Variants in DTNB observed in about 807,000 individuals in gnomAD.
DTNB encodes DTN-B.
In DTNB, 63 loss-of-function variants were observed where a neutral mutation model predicts 90.7. The observed-to-expected ratio is 0.69, with a 90% CI of 0.57 to 0.86. The LOEUF is 0.86. Among genes scored for constraint, DTNB ranks in the 40% least tolerant of loss-of-function variants. DTNB has a pLI of 0.00. For missense variants in DTNB, 744 were observed against 807.1 expected, an observed-to-expected ratio of 0.92 and a Z score of 0.95; for synonymous variants, 277 against 286.7, an observed-to-expected ratio of 0.97 and a Z score of 0.34.
At chr2:25,528,098 T>G (rs528872206) in intron 9 of DTNB, among the ~76,000 whole-genome samples, 1 of 152,288 alleles carries the variant, frequency 6.6e-6, no homozygotes, top group African/African-American at 2.4e-5. Context: ...AAAAAACAAT[T>G]AATGTAATTC....
At chr2:25,382,854 A>G (rs988774554) in intron 19 of DTNB, among the ~76,000 whole-genome samples, 1 of 152,106 alleles carries the variant, frequency 6.6e-6, no homozygotes, top group Non-Finnish European at 1.5e-5. Flanking sequence ...TAACAGCTAC[A>G]TGAACAACAT....
chr2:25,596,420 C>T, intron 5 of DTNB, 180 bp from the exon 6 acceptor site: 1 of 530,076 alleles, frequency 1.9e-6, no homozygotes, highest in Non-Finnish European at 3.0e-6. Flanking sequence ...GGCTACCCTG[C>T]AGATGAGGCC....
At chr2:25,596,623 T>C (rs2064706481) in intron 5 of DTNB, among the ~76,000 whole-genome samples, 1 of 152,242 alleles carries the variant, frequency 6.6e-6, no homozygotes, top group African/African-American at 2.4e-5. Context: ...ATAAGACATA[T>C]GCATGATTGA....
chr2:25,479,766 T>C (rs1455209400), intron 10 of DTNB, among the ~76,000 whole-genome samples: 1 of 152,236 alleles, frequency 6.6e-6, no homozygotes, highest in Non-Finnish European at 1.5e-5. Context: ...ATTAAAAAGG[T>C]AGGAACTAGA....
intron 16 of DTNB, among the ~76,000 whole-genome samples, chr2:25,408,367 C>T (rs2045763550): frequency 6.6e-6 from 1 of 151,174 alleles, no homozygotes; most frequent in South Asian, 2.1e-4. Context: ...CCATCTCTAC[C>T]TCCCCCAAAA....
At chr2:25,572,467 CAAAA>C (rs373866980) in intron 8 of DTNB, among the ~76,000 whole-genome samples, 1 of 102,246 alleles carries the variant, frequency 9.8e-6, no homozygotes, top group Non-Finnish European at 2.1e-5. Flanking sequence ...ACTCCATCGC[CAAAA>C]AAAAAAAAAA....
chr2:25,484,637 A>C (rs925899196), intron 9 of DTNB, among the ~76,000 whole-genome samples: 8 of 152,186 alleles, frequency 5.3e-5, no homozygotes, highest in African/African-American at 1.9e-4. Flanking sequence ...CCGAGATGGA[A>C]AGTAATTTGC....
chr2:25,574,296 G>A (rs1047760580), intron 8 of DTNB, among the ~76,000 whole-genome samples: 1 of 152,126 alleles, frequency 6.6e-6, no homozygotes, highest in African/African-American at 2.4e-5. Flanking sequence ...CACACAGTAG[G>A]TGTTTAAAAA....
At chr2:25,389,696 T>C (rs2040527471) in intron 16 of DTNB, among the ~76,000 whole-genome samples, 1 of 152,118 alleles carries the variant, frequency 6.6e-6, no homozygotes, top group Non-Finnish European at 1.5e-5. Flanking sequence ...TTCTTCTAGC[T>C]TTCTCAGCTA....
chr2:25,514,667 T>C (rs2074666270), intron 9 of DTNB, among the ~76,000 whole-genome samples: 1 of 149,406 alleles, frequency 6.7e-6, no homozygotes, highest in Non-Finnish European at 1.5e-5. Context: ...AAAAGAAACA[T>C]CTTTGAAAAA....
intron 16 of DTNB, among the ~76,000 whole-genome samples, chr2:25,400,581 C>A (rs745791778): frequency 4.9e-4 from 75 of 152,178 alleles, no homozygotes; most frequent in Non-Finnish European, 9.4e-4. Context: ...GATATGTTGT[C>A]CAATGATAGG....
Position 25,387,212 on chromosome 2 carries a change from G to A in DTNB, c.1825+77C>T, listed in dbSNP as rs974412678. ...GCAAGCTGGGTGGTGAGGTTCTGCC[G>A]GTGCTGGCAAGGAAGTGAGAAGGGC... On this transcript the variant is annotated intron_variant, in intron 18 of 20. Transcript: ENST00000406818. This position sits in a 1 kb window ranked among gnomAD's most constrained non-coding sequence, Gnocchi z 4.5. 28 of 1,427,284 alleles carry A rather than the reference G, an allele frequency of 2.0e-5. No individual in the cohort carries two copies. Among genetic ancestry groups the A allele is most frequent in the South Asian group, 3.7e-5 (3 of 81,022 alleles). The allele number at this position is 1,427,284 out of a possible 1,614,324, so 88.4% of individuals were successfully genotyped here.
intron 16 of DTNB, among the ~76,000 whole-genome samples, chr2:25,405,685 T>G (rs114453105): frequency 6.6e-6 from 1 of 152,168 alleles, no homozygotes; most frequent in Non-Finnish European, 1.5e-5. Context: ...GGTTATATAG[T>G]ACCTACATAA....
intron 16 of DTNB, among the ~76,000 whole-genome samples, chr2:25,402,917 T>C (rs184073738): frequency 6.6e-6 from 1 of 152,360 alleles, no homozygotes; most frequent in Non-Finnish European, 1.5e-5. Flanking sequence ...TGTACAATTA[T>C]CTTTCTTAGT....
At chr2:25,586,198 C>T (rs1014591504) in intron 6 of DTNB, among the ~76,000 whole-genome samples, 13 of 152,052 alleles carry the variant, frequency 8.5e-5, no homozygotes, top group African/African-American at 3.1e-4. Flanking sequence ...TCATGTCATA[C>T]TTAACTTAAA....
intron 4 of DTNB, among the ~76,000 whole-genome samples, chr2:25,610,182 C>T (rs2148542384): frequency 1.3e-5 from 2 of 152,288 alleles, no homozygotes; most frequent in East Asian, 3.9e-4. Context: ...GTGATCACAG[C>T]ACACTGCAGC....
At position 25,637,331 on chromosome 2, in the gene DTNB, T is replaced by C. The variant is rs189096199; in HGVS notation, c.148+1683A>G. On this transcript the variant is annotated intron_variant, in intron 3 of 20. Transcript: ENST00000406818. Reference sequence around the variant, plus strand: ...TTCATGTCTAAAACACCAAAAGCAATGGCAACAAAATCCAAAATTGACAAA... The same window carrying C: ...TTCATGTCTAAAACACCAAAAGCAACGGCAACAAAATCCAAAATTGACAAA... 5.3e-5 allele frequency among the ~76,000 whole-genome samples: 8 copies of C among 152,214 alleles called. No homozygotes were observed. The East Asian group carries it at 1.2e-3, about 22-fold the overall frequency.
At chr2:25,597,548 C>G (rs2064902034) in intron 5 of DTNB, among the ~76,000 whole-genome samples, 1 of 151,910 alleles carries the variant, frequency 6.6e-6, no homozygotes, top group East Asian at 1.9e-4. Context: ...GTTATTGATC[C>G]ACAGGGCAAT....
intron 8 of DTNB, among the ~76,000 whole-genome samples, chr2:25,537,844 C>T (rs1302954245): frequency 2.0e-5 from 3 of 152,170 alleles, no homozygotes; most frequent in Admixed American, 2.0e-4. Context: ...AGAAGAAGAA[C>T]ACTACAGGTG....
Sources: allele counts gnomAD v4.1 joint callset (sites outside exome capture counted in the v4.1 genomes callset), GRCh38; gene constraint gnomAD v4.1.1; non-coding constraint Gnocchi (gnomAD v3.1); transcripts MANE v1.5; gene names NCBI Gene and HGNC (gene_info 2026-07-23, HGNC 2026-07-21).